Variants in DNAH10 observed in about 807,000 individuals in gnomAD.
The protein encoded by DNAH10 is dynein axonemal heavy chain 10.
DNAH10 carries 348 observed loss-of-function variants against 506.6 expected under a neutral mutation model. The ratio of observed to expected loss-of-function variants is 0.69; its 90% CI spans 0.63 to 0.75. The LOEUF (loss-of-function observed/expected upper bound fraction) is 0.75, where lower values mean the gene tolerates loss of function less well. DNAH10 is among the 30% of genes least tolerant of loss of function. The pLI is 0.00. For synonymous variants in DNAH10, 2,059 were observed against 2,198.6 expected, an observed-to-expected ratio of 0.94 and a Z score of 1.78; for missense variants, 5,179 against 5,787.1, an observed-to-expected ratio of 0.89 and a Z score of 3.41.
At position 123,771,609 on chromosome 12, in the gene DNAH10, G is replaced by T; in HGVS notation, c.307G>T (p.Val103Leu). ...ESVDKVRAKR[V>L]SLRTESLGQP... ...TGATTGCTGTTTTGCAGCTAAGCGT[G>T]TGTCACTGAGAACCGAATCTCTAGG... The change falls in exon 3 of 79, where the codon GTG (valine) becomes TTG (leucine). Residue 103 changes from valine (V) to leucine (L), a missense_variant. Val to Leu is a conservative substitution (Grantham distance 32). Coordinates refer to ENST00000673944, the MANE Select transcript of DNAH10 (RefSeq NM_001372106.1). The T allele has an allele frequency of 6.2e-7, 1 of 1,613,500 alleles. No individual in the cohort carries two copies. Among genetic ancestry groups the T allele is most frequent in the Non-Finnish European group, 8.5e-7 (1 of 1,179,678 alleles).
chr12:123,869,010 C>G (rs962773208), intron 43 of DNAH10, among the ~76,000 whole-genome samples: 1 of 152,232 alleles, frequency 6.6e-6, no homozygotes, highest in African/African-American at 2.4e-5. Context: ...GCTTGTCTCC[C>G]TCATTTGCCC....
chr12:123,863,711 C>T (rs1024979822), intron 39 of DNAH10, among the ~76,000 whole-genome samples: 1 of 152,208 alleles, frequency 6.6e-6, no homozygotes, highest in African/African-American at 2.4e-5. Context: ...CCAGAATGGT[C>T]ACATCTTGAG....
intron 66 of DNAH10, 28 bp from the exon 67 acceptor site, chr12:123,924,250 C>T: frequency 6.3e-7 from 1 of 1,584,488 alleles, no homozygotes; most frequent in Non-Finnish European, 8.6e-7. Flanking sequence ...GGTACAATGG[C>T]TGCTTGCTTC....
chr12:123,772,241 C>T (rs1222419478), intron 3 of DNAH10, among the ~76,000 whole-genome samples: 1 of 152,164 alleles, frequency 6.6e-6, no homozygotes, highest in East Asian at 1.9e-4. Flanking sequence ...ACTGGGGCCC[C>T]AGCAAACAAA....
intron 65 of DNAH10, among the ~76,000 whole-genome samples, chr12:123,922,102 C>T (rs544052919): frequency 6.6e-5 from 10 of 151,654 alleles, no homozygotes; most frequent in East Asian, 2.0e-4. Flanking sequence ...AGGCCAGGCG[C>T]GGTGGCTCAC....
At chr12:123,875,583 G>C (rs1040088838) in intron 47 of DNAH10, 92 bp downstream of exon 47, 1 of 1,486,062 alleles carries the variant, frequency 6.7e-7, no homozygotes, top group Admixed American at 2.0e-5. Context: ...GGCACAGCAG[G>C]GTTAGGGCCC....
At position 123,923,743 on chromosome 12, in the gene DNAH10, C is replaced by T. The variant is rs1305746666; in HGVS notation, c.11507-20C>T. On this transcript the variant is annotated intron_variant, in intron 65 of 78. Coordinates refer to ENST00000673944, the MANE Select transcript of DNAH10 (RefSeq NM_001372106.1). ...AAATGAATTTTAAGAAATCAATACT[C>T]ATCTGATGTTTCCCTCCAGGGCTGT... 7.1e-6 allele frequency: 11 copies of T among 1,546,306 alleles called. No homozygotes were observed. The highest frequency in any genetic ancestry group is 5.8e-5 in the Admixed American group (3 of 51,656).
At chr12:123,843,492 G>C (rs1950842358) in intron 30 of DNAH10, among the ~76,000 whole-genome samples, 1 of 152,138 alleles carries the variant, frequency 6.6e-6, no homozygotes, top group African/African-American at 2.4e-5. Flanking sequence ...GGATATAAGT[G>C]ATCTTTAGGT....
Position 123,853,121 on chromosome 12 carries a change from T to C in DNAH10, c.6292-85T>C. On this transcript the variant is annotated intron_variant, in intron 35 of 78. Coordinates refer to ENST00000673944, the MANE Select transcript of DNAH10 (RefSeq NM_001372106.1). This position sits in a 1 kb window ranked among gnomAD's most constrained non-coding sequence, Gnocchi z 4.7. ...TGCACTGGAACACCTGCCCCCGTTT[T>C]CTTGCATTTGTAGAATGATGCTCCA... The C allele has an allele frequency of 1.5e-6, 2 of 1,358,448 alleles. No homozygotes were observed. Among genetic ancestry groups the C allele is most frequent in the Non-Finnish European group, 1.9e-6 (2 of 1,036,656 alleles). The allele number at this position is 1,358,448 out of a possible 1,614,324, so 84.1% of individuals were successfully genotyped here.
At chr12:123,887,932 G>C (rs1952812010) in intron 52 of DNAH10, among the ~76,000 whole-genome samples, 1 of 152,104 alleles carries the variant, frequency 6.6e-6, no homozygotes, top group South Asian at 2.1e-4. Context: ...TTTCAGTAGA[G>C]ACGGGGTTTC....
intron 5 of DNAH10, among the ~76,000 whole-genome samples, chr12:123,779,255 G>A (rs1957554419): frequency 6.6e-6 from 1 of 151,954 alleles, no homozygotes; most frequent in Admixed American, 6.6e-5. Flanking sequence ...TGCCCCGGCT[G>A]TTCTCGAACT....
chr12:123,791,924 A>T (rs1257507815), intron 11 of DNAH10, among the ~76,000 whole-genome samples: 1 of 152,166 alleles, frequency 6.6e-6, no homozygotes, highest in Non-Finnish European at 1.5e-5. Context: ...CTCCTTCCTC[A>T]TTCTTGCTGT....
At chr12:123,815,617 A>G (rs997081674) in intron 21 of DNAH10, among the ~76,000 whole-genome samples, 12 of 152,212 alleles carry the variant, frequency 7.9e-5, no homozygotes, top group African/African-American at 2.7e-4. Flanking sequence ...TTGGCACTGT[A>G]TCATTAAATA....
In DNAH10 at chr12:123,783,110, A is replaced by G. The variant is rs747717581; in HGVS notation, c.845A>G (p.Glu282Gly). 3 of 1,614,050 alleles carry G rather than the reference A, an allele frequency of 1.9e-6. No individual in the cohort carries two copies. Among genetic ancestry groups the G allele is most frequent in the Non-Finnish European group, 1.7e-6 (2 of 1,179,934 alleles). ...CTGATCACTTTTATTTTCCTAGGTG[A>G]GATCAAGTTAGAAATGCCAATCATC... is the stretch of plus-strand genomic sequence containing the variant. ...IQRTMQQLEG[E>G]IKLEMPIISV... The change falls in exon 7 of 79, where the codon GAG becomes GGG. Residue 282 changes from glutamate (E) to glycine (G), a missense_variant. Coordinates refer to ENST00000673944, the MANE Select transcript of DNAH10 (RefSeq NM_001372106.1).
chr12:123,886,128 T>C (rs1301797672), intron 51 of DNAH10, among the ~76,000 whole-genome samples: 1 of 152,248 alleles, frequency 6.6e-6, no homozygotes, highest in Non-Finnish European at 1.5e-5. Context: ...CATTTTTCTA[T>C]AGGACAAGGC....
At position 123,784,133 on chromosome 12, in the gene DNAH10, TCA is replaced by T; in HGVS notation, c.1187_1188del (p.Ser396Ter). On this transcript the variant is annotated frameshift_variant, in exon 8 of 79. Transcript: ENST00000673944. LOFTEE classifies it high-confidence loss of function. ...TELFKFHTEA[S>X]DNVRFLSTVE... The stretch of plus-strand genomic sequence containing the variant: ...GTTATTCAAGTTCCACACGGAGGCC[TCA>T]GACAATGTGCGCTTTCTCTCCACCG... 3.1e-6 allele frequency: 5 copies of T among 1,614,258 alleles called. No homozygotes were observed. Among genetic ancestry groups the T allele is most frequent in the Non-Finnish European group, 4.2e-6 (5 of 1,180,050 alleles).
At position 123,891,089 on chromosome 12, in the gene DNAH10, G is replaced by A. The variant is rs765166438; in HGVS notation, c.8996-2144G>A. Among the ~76,000 whole-genome samples the A allele has an allele frequency of 9.2e-5, 14 of 152,088 alleles. No individual in the cohort carries two copies. The East Asian group carries it at 1.2e-3, about 13-fold the overall frequency. On this transcript the variant is annotated intron_variant, in intron 52 of 78. Transcript: ENST00000673944. ...CAAGATCACGGTGTCGGCAGAGCCC[G>A]TTCCTTCTGAGCTCTGGGTGGGGGA...
intron 24 of DNAH10, among the ~76,000 whole-genome samples, chr12:123,821,765 G>C (rs1337477487): frequency 6.6e-6 from 1 of 152,126 alleles, no homozygotes; most frequent in Non-Finnish European, 1.5e-5. Flanking sequence ...AGTTGCAAGC[G>C]GAGATTAAAA....
intron 51 of DNAH10, among the ~76,000 whole-genome samples, chr12:123,882,789 C>CAAA (rs59295124): frequency 1.1e-4 from 7 of 62,254 alleles, no homozygotes; most frequent in East Asian, 6.8e-4. Context: ...AAGACTCTGT[C>CAAA]AAAAAAAAAA....
Sources: gnomAD v4.1 joint callset for allele counts (sites outside exome capture counted in the v4.1 genomes callset) on GRCh38, gnomAD v4.1.1 for gene constraint, Gnocchi (gnomAD v3.1) non-coding constraint, MANE v1.5 for transcripts, NCBI Gene and HGNC (gene_info 2026-07-23, HGNC 2026-07-21) for gene names.